EPHA3: variants seen among roughly 807,000 people sequenced by gnomAD.
EPHA3 encodes the protein ephrin type-A receptor 3.
In EPHA3, 42 loss-of-function variants were observed where a neutral mutation model predicts 107.1. The ratio of observed to expected loss-of-function variants is 0.39; its 90% confidence interval spans 0.31 to 0.51. The LOEUF (loss-of-function observed/expected upper bound fraction) is 0.51, where lower values mean the gene tolerates loss of function less well. Ranked by LOEUF, EPHA3 falls within the 20% of genes least tolerant of loss-of-function variation. The pLI is 0.78. For missense variants in EPHA3, 1,183 were observed against 1,211.2 expected, an observed-to-expected ratio of 0.98 and a Z score of 0.35; for synonymous variants, 461 against 424.8, an observed-to-expected ratio of 1.09 and a Z score of -1.05.
At chr3:89,343,257 C>A (rs1707574464) in intron 5 of EPHA3, among the ~76,000 whole-genome samples, 2 of 152,196 alleles carry the variant, frequency 1.3e-5, no homozygotes, top group African/African-American at 4.8e-5. Context: ...GTTAGTTCAA[C>A]TAGTAAAGAC....
At chr3:89,316,505 A>G (rs376124405) in intron 3 of EPHA3, among the ~76,000 whole-genome samples, 1 of 104,132 alleles carries the variant, frequency 9.6e-6, no homozygotes. Context: ...GTGTGTGTGT[A>G]ATATATATAT....
At chr3:89,452,768 G>A (rs1447699019) in intron 15 of EPHA3, among the ~76,000 whole-genome samples, 1 of 152,072 alleles carries the variant, frequency 6.6e-6, no homozygotes, top group Non-Finnish European at 1.5e-5. Flanking sequence ...TTGTTACCAA[G>A]ACCAGTGTCA....
intron 15 of EPHA3, among the ~76,000 whole-genome samples, chr3:89,456,269 CG>C (rs147610007): frequency 0.034 from 5,141 of 152,182 alleles, 287 homozygotes; most frequent in African/African-American, 0.12. Flanking sequence ...AAACTGAATT[CG>C]TGGCTGGTAC....
Position 89,236,482 on chromosome 3 carries a change from CTG to C in EPHA3, c.814+25966_814+25967del, listed in dbSNP as rs371712444. Among the ~76,000 whole-genome samples the C allele has an allele frequency of 1.1e-3, 159 of 148,186 alleles. 1 individual carries two copies. In the East Asian group the frequency reaches 0.023, roughly 22 times the overall value. ...AGATTAATAACAAATGACATTAAAA[CTG>C]TGTACGAAATTTAGCAATATAGTAT... On this transcript the variant is annotated intron_variant, in intron 3 of 16. Coordinates refer to ENST00000336596, the MANE Select transcript of EPHA3 (RefSeq NM_005233.6).
chr3:89,137,043 A>G (rs916768720), intron 2 of EPHA3, among the ~76,000 whole-genome samples: 1 of 151,988 alleles, frequency 6.6e-6, no homozygotes. Flanking sequence ...GACCAAAAAT[A>G]TACATATTAT....
At chr3:89,230,631 G>A (rs1318864367) in intron 3 of EPHA3, among the ~76,000 whole-genome samples, 1 of 151,986 alleles carries the variant, frequency 6.6e-6, no homozygotes, top group Non-Finnish European at 1.5e-5. Flanking sequence ...TTGTTGTTTA[G>A]TTGTTTGTGT....
chr3:89,413,249 A>G lies in EPHA3; in HGVS notation c.1871A>G (p.Asp624Gly), dbSNP rs1468797697. ...KELDATNISI[D>G]KVVGAGEFGE... Reference sequence around the variant, plus strand: ...TTGGATGCCACCAACATATCCATTGATAAAGTTGTTGGAGCAGGTAACCAC... The same window carrying G: ...TTGGATGCCACCAACATATCCATTGGTAAAGTTGTTGGAGCAGGTAACCAC... The change falls in exon 10 of 17, where the codon GAT becomes GGT. Residue 624 changes from aspartate to glycine, a missense_variant. Asp to Gly is a moderately conservative substitution (Grantham distance 94). Coordinates refer to ENST00000336596, the MANE Select transcript of EPHA3 (RefSeq NM_005233.6). The G allele has an allele frequency of 1.9e-6, 3 of 1,611,526 alleles. No homozygotes were observed. Among genetic ancestry groups the G allele is most frequent in the Non-Finnish European group, 1.7e-6 (2 of 1,178,274 alleles).
At chr3:89,282,596 T>C (rs906679218) in intron 3 of EPHA3, among the ~76,000 whole-genome samples, 62 of 152,108 alleles carry the variant, frequency 4.1e-4, no homozygotes, top group African/African-American at 1.4e-3. Flanking sequence ...GGCCATAATT[T>C]TATTTGATTG....
At chr3:89,179,577 AG>A (rs1308371661) in intron 2 of EPHA3, among the ~76,000 whole-genome samples, 1 of 151,742 alleles carries the variant, frequency 6.6e-6, no homozygotes, top group East Asian at 1.9e-4. Flanking sequence ...GGGGCAGAGC[AG>A]GGAACTGTGT....
intron 3 of EPHA3, among the ~76,000 whole-genome samples, chr3:89,281,930 T>A (rs1705958718): frequency 6.6e-6 from 1 of 152,222 alleles, no homozygotes; most frequent in Non-Finnish European, 1.5e-5. Flanking sequence ...CAACACCTAT[T>A]TTTAACAGTG....
Position 89,417,986 on chromosome 3 carries a change from T to C in EPHA3, c.1889-1219T>C, listed in dbSNP as rs143906234. 4.6e-3 allele frequency among the ~76,000 whole-genome samples: 693 copies of C among 151,492 alleles called. 6 individuals carry two copies. The highest frequency in any genetic ancestry group is 7.8e-3 in the Non-Finnish European group (529 of 67,574). ...TTCCCAGGGAGAGAGACACCATTTG[T>C]AGTAATGTAGCTGGCAAATCAATAG... On this transcript the variant is annotated intron_variant, in intron 10 of 16. Transcript: ENST00000336596.
intron 1 of EPHA3, among the ~76,000 whole-genome samples, chr3:89,109,487 G>T (rs1707050327): frequency 6.6e-6 from 1 of 151,834 alleles, no homozygotes; most frequent in Admixed American, 6.6e-5. Flanking sequence ...CAGATAGAAT[G>T]GTTATGAACT....
chr3:89,318,912 A>C (rs1442691273), intron 3 of EPHA3, among the ~76,000 whole-genome samples: 2 of 151,952 alleles, frequency 1.3e-5, no homozygotes, highest in Admixed American at 6.6e-5. Flanking sequence ...TCCCCAGAGG[A>C]GTGCAAATAT....
intron 5 of EPHA3, among the ~76,000 whole-genome samples, chr3:89,391,388 T>A (rs1322674297): frequency 6.9e-6 from 1 of 143,890 alleles, no homozygotes; most frequent in Non-Finnish European, 1.5e-5. Context: ...TATTTTTTTC[T>A]TTTCTTTTCT....
intron 2 of EPHA3, among the ~76,000 whole-genome samples, chr3:89,136,576 G>A (rs918804712): frequency 7.3e-5 from 11 of 151,546 alleles, no homozygotes; most frequent in African/African-American, 2.4e-4. Flanking sequence ...TATGTTTTAG[G>A]AGATTGGATT....
At chr3:89,162,724 A>G (rs1215502860) in intron 2 of EPHA3, among the ~76,000 whole-genome samples, 2 of 152,224 alleles carry the variant, frequency 1.3e-5, no homozygotes, top group Admixed American at 6.5e-5. Context: ...CCAACCCTGC[A>G]TGCTGGAACT....
At chr3:89,134,246 C>A (rs1479098834) in intron 2 of EPHA3, among the ~76,000 whole-genome samples, 1 of 150,570 alleles carries the variant, frequency 6.6e-6, no homozygotes, top group African/African-American at 2.4e-5. Flanking sequence ...ACTTTAAGTT[C>A]TAGGGTACAT....
chr3:89,155,446 A>G (rs7651124), intron 2 of EPHA3, among the ~76,000 whole-genome samples: 140,124 of 152,044 alleles, frequency 0.92, 64,686 homozygotes, highest in Admixed American at 0.95. Flanking sequence ...AAGTCCATTG[A>G]CATTTCAAGC....
At chr3:89,263,666 A>G (rs963017058) in intron 3 of EPHA3, among the ~76,000 whole-genome samples, 21 of 152,122 alleles carry the variant, frequency 1.4e-4, no homozygotes, top group Admixed American at 1.0e-3. Context: ...ATAGTCCCCA[A>G]TGTCCAGTTG....
Sources: gnomAD v4.1 joint callset for allele counts (sites outside exome capture counted in the v4.1 genomes callset) on GRCh38, gnomAD v4.1.1 for gene constraint, MANE v1.5 for transcripts, NCBI Gene and HGNC (gene_info 2026-07-23, HGNC 2026-07-21) for gene names.